KLRF2: variants seen among roughly 807,000 people sequenced by gnomAD.
The protein encoded by KLRF2 is killer cell lectin like receptor F2.
KLRF2 carries 28 observed loss-of-function variants against 25.3 expected under a neutral mutation model. The observed-to-expected ratio is 1.11, with a 90% CI of 0.82 to 1.52. The LOEUF (loss-of-function observed/expected upper bound fraction) is 1.52. Among genes scored for constraint, KLRF2 ranks in the 40% most tolerant of loss-of-function variants. KLRF2 has a pLI of 0.00. For synonymous variants in KLRF2, 73 were observed against 85.0 expected (o/e 0.86, Z 0.78); for missense variants, 265 against 245.8 (o/e 1.08, Z -0.52).
At chr12:9,893,929 G>A (rs1045721860) in intron 5 of KLRF2, among the ~76,000 whole-genome samples, 3 of 152,246 alleles carry the variant, frequency 2.0e-5, no homozygotes, top group Middle Eastern at 3.4e-3. Flanking sequence ...GCTGGAATGT[G>A]TAGAAAGGTC....
intron 3 of KLRF2, among the ~76,000 whole-genome samples, chr12:9,891,396 TG>T (rs759395847): frequency 6.6e-5 from 10 of 152,202 alleles, no homozygotes; most frequent in Non-Finnish European, 2.9e-5. Context: ...GTCCACATCT[TG>T]CATCTTCTGG....
intron 2 of KLRF2, among the ~76,000 whole-genome samples, chr12:9,887,507 C>T (rs1862612438): frequency 6.6e-6 from 1 of 152,042 alleles, no homozygotes; most frequent in African/African-American, 2.4e-5. Context: ...AATATTTTTT[C>T]CATTCATTGT....
At chr12:9,886,285 T>A (rs994834892) in intron 2 of KLRF2, among the ~76,000 whole-genome samples, 26 of 152,164 alleles carry the variant, frequency 1.7e-4, no homozygotes, top group African/African-American at 4.8e-4. Flanking sequence ...CCAGTCAAAA[T>A]GGAGTATTGA....
intron 2 of KLRF2, among the ~76,000 whole-genome samples, chr12:9,888,015 A>G (rs1325660033): frequency 1.6e-4 from 22 of 140,660 alleles, no homozygotes; most frequent in African/African-American, 5.9e-4. Context: ...ATGATGGCCC[A>G]CTGCACTTCA....
intron 1 of KLRF2, among the ~76,000 whole-genome samples, chr12:9,883,073 T>A (rs1868111669): frequency 6.6e-6 from 1 of 152,162 alleles, no homozygotes; most frequent in African/African-American, 2.4e-5. Context: ...GGAAAATAAA[T>A]TGGGCCAGAA....
At chr12:9,885,539 A>C (rs1415024884) in intron 2 of KLRF2, among the ~76,000 whole-genome samples, 1 of 151,850 alleles carries the variant, frequency 6.6e-6, no homozygotes, top group Non-Finnish European at 1.5e-5. Context: ...ATGACAGGAA[A>C]TAGATTTTGG....
chr12:9,882,813 AG>A lies in KLRF2; in HGVS notation c.70+1149del, dbSNP rs1217205315. 2.4e-4 allele frequency among the ~76,000 whole-genome samples: 37 copies of A among 152,092 alleles called. 1 individual carries two copies. Among genetic ancestry groups the A allele is most frequent in the Admixed American group, 1.9e-3 (29 of 15,248 alleles). Reference sequence around the variant, plus strand: ...ACAAAAAAAATTATTCAGACCCTAAAGCCCACAGACTAAATGTATGGCTCTG... The same window carrying A: ...ACAAAAAAAATTATTCAGACCCTAAACCCACAGACTAAATGTATGGCTCTG... On this transcript the variant is annotated intron_variant, in intron 1 of 5. Coordinates refer to ENST00000535540, the MANE Select transcript of KLRF2 (RefSeq NM_001190765.1).
Position 9,891,072 on chromosome 12 carries a change from T to G in KLRF2, c.218-1948T>G, listed in dbSNP as rs1385435740. Among the ~76,000 whole-genome samples, 3 of 152,062 alleles carry G rather than the reference T, an allele frequency of 2.0e-5. No homozygotes were observed. In the East Asian group the frequency reaches 5.8e-4, roughly 29 times the overall value. ...ATTTTTTTTTTTTTTGCCCTTTATT[T>G]GTCAAAAGGTAGGTCATGGTTGGGC... is the stretch of plus-strand genomic sequence containing the variant. On this transcript the variant is annotated intron_variant, in intron 3 of 5. Transcript: ENST00000535540.
At chr12:9,885,104 C>T in intron 2 of KLRF2, 72 bp downstream of exon 2, 1 of 469,454 alleles carries the variant, frequency 2.1e-6, no homozygotes, top group Non-Finnish European at 3.4e-6. Context: ...CTCTTAATGC[C>T]AAGATAAACT....
chr12:9,881,704 A>C, intron 1 of KLRF2, 39 bp downstream of exon 1: 32 of 1,341,538 alleles, frequency 2.4e-5, no homozygotes, highest in Non-Finnish European at 2.8e-5. Flanking sequence ...TTAAAATTTC[A>C]TTATTCTTCT....
intron 2 of KLRF2, among the ~76,000 whole-genome samples, chr12:9,885,814 A>C (rs1490273051): frequency 6.6e-6 from 1 of 152,066 alleles, no homozygotes; most frequent in East Asian, 1.9e-4. Flanking sequence ...ATTACCTGAA[A>C]ATGTCCACTT....
Position 9,893,419 on chromosome 12 carries a change from T to C in KLRF2, c.367-10T>C. 8.1e-7 allele frequency: 1 copy of C among 1,233,750 alleles called. No individual in the cohort carries two copies. Among genetic ancestry groups the C allele is most frequent in the Non-Finnish European group, 1.1e-6 (1 of 882,252 alleles). The allele number at this position is 1,233,750 out of a possible 1,614,324, so 76.4% of individuals were successfully genotyped here. On this transcript the variant is annotated splice_polypyrimidine_tract_variant and intron_variant, in intron 4 of 5. Coordinates refer to ENST00000535540, the MANE Select transcript of KLRF2 (RefSeq NM_001190765.1). ...CAAATGAATGAATAAATGCACTATT[T>C]CTTCTGCAGGAGTTCATACAGAACA...
chr12:9,888,553 A>G (rs761692335), intron 2 of KLRF2, among the ~76,000 whole-genome samples, 180 bp from the exon 3 acceptor site: 4 of 152,162 alleles, frequency 2.6e-5, no homozygotes, highest in Non-Finnish European at 5.9e-5. Context: ...AAAGGAGTAA[A>G]AACAGATATG....
At chr12:9,887,735 T>G (rs375309829) in intron 2 of KLRF2, among the ~76,000 whole-genome samples, 1 of 151,894 alleles carries the variant, frequency 6.6e-6, no homozygotes, top group African/African-American at 2.4e-5. Flanking sequence ...TTTTTTTTTT[T>G]TTTTTTGGTC....
intron 2 of KLRF2, 102 bp downstream of exon 2, chr12:9,885,134 T>A (rs1194170651): frequency 2.6e-6 from 1 of 378,338 alleles, no homozygotes; most frequent in African/African-American, 2.1e-5. Context: ...AGTCCAAAAC[T>A]GGCATATGTC....
chr12:9,881,607 A>T lies in KLRF2; in HGVS notation c.12A>T (p.Glu4Asp). 1 of 1,534,036 alleles carries T rather than the reference A, an allele frequency of 6.5e-7. No homozygotes were observed. The highest frequency in any genetic ancestry group is 2.0e-5 in the Admixed American group (1 of 50,996). ...AGACATTTGAAGAGATGGAGAATGAAGATGGGTATATGACGCTGAGTTTCA... is the reference window on the plus strand; with the variant it reads ...AGACATTTGAAGAGATGGAGAATGATGATGGGTATATGACGCTGAGTTTCA... MEN[E>D]DGYMTLSFKN... Residue 4 changes from glutamate (E) to aspartate (D), a missense_variant, in exon 1 of 6, where the codon GAA (glutamate) becomes GAT (aspartate). Glu to Asp is a conservative substitution (Grantham distance 45). Transcript: ENST00000535540.
chr12:9,888,870 T>A, intron 3 of KLRF2, 90 bp downstream of exon 3: 1 of 697,982 alleles, frequency 1.4e-6, no homozygotes, highest in Non-Finnish European at 2.4e-6. Context: ...TGTTACACAG[T>A]AAGCCAACAG....
chr12:9,883,290 A>G (rs1379090667), intron 1 of KLRF2, among the ~76,000 whole-genome samples: 1 of 152,210 alleles, frequency 6.6e-6, no homozygotes, highest in East Asian at 1.9e-4. Context: ...ATAAAATAAT[A>G]CAATTAGTGT....
chr12:9,889,875 A>G (rs1459560335), intron 3 of KLRF2, among the ~76,000 whole-genome samples: 1 of 152,050 alleles, frequency 6.6e-6, no homozygotes, highest in East Asian at 1.9e-4. Context: ...AATAATCCCT[A>G]TGTACCTCAA....
Sources: allele counts gnomAD v4.1 joint callset (sites outside exome capture counted in the v4.1 genomes callset), GRCh38; gene constraint gnomAD v4.1.1; transcripts MANE v1.5; gene names NCBI Gene and HGNC (gene_info 2026-07-23, HGNC 2026-07-21).